PAX5: variants seen among roughly 807,000 people sequenced by gnomAD.
PAX5 encodes the protein paired box 5.
Under a neutral mutation model 43.7 loss-of-function variants are expected in PAX5, and 9 were observed. That is an observed-to-expected ratio of 0.21 (90% CI 0.12 to 0.36). The LOEUF is 0.36. PAX5 is among the 10% of genes least tolerant of loss of function. The pLI, the probability that PAX5 is intolerant of heterozygous loss-of-function variation, is 1.00. For synonymous variants in PAX5, 228 were observed against 214.3 expected (o/e 1.06, Z -0.56); for missense variants, 383 against 532.7 (o/e 0.72, Z 2.77).
chr9:37,013,564 T>A (rs1404687294), intron 3 of PAX5, among the ~76,000 whole-genome samples: 5 of 152,114 alleles, frequency 3.3e-5, no homozygotes, highest in Non-Finnish European at 5.9e-5. Context: ...AAGGGGCTCA[T>A]AAAACACAAT....
intron 6 of PAX5, among the ~76,000 whole-genome samples, chr9:36,966,095 T>C (rs1834404323): frequency 6.6e-6 from 1 of 152,230 alleles, no homozygotes; most frequent in Admixed American, 6.5e-5. Context: ...GGCGACCTGG[T>C]GAGAGGGCAG....
intron 1 of PAX5, 23 bp downstream of exon 1, chr9:37,033,963 T>C: frequency 6.2e-7 from 1 of 1,610,414 alleles, no homozygotes; most frequent in Non-Finnish European, 8.5e-7. Context: ...TTTGCACATC[T>C]GGAGCCCGTA....
intron 8 of PAX5, among the ~76,000 whole-genome samples, chr9:36,849,205 C>A (rs1372454932): frequency 1.3e-5 from 2 of 152,242 alleles, no homozygotes; most frequent in Admixed American, 6.5e-5. Flanking sequence ...GGTGCCCAGT[C>A]CACAGCAGAC....
intron 1 of PAX5, among the ~76,000 whole-genome samples, chr9:37,027,209 G>T (rs1044753830): frequency 6.6e-6 from 1 of 152,230 alleles, no homozygotes; most frequent in East Asian, 1.9e-4. Context: ...GGCAGCGCGG[G>T]GTCCTGGCGG....
rs576152302 is a variant in PAX5, at chr9:36,943,907, T to C, written c.781-20423A>G. Among the ~76,000 whole-genome samples the C allele has an allele frequency of 7.9e-5, 12 of 152,232 alleles. No individual in the cohort carries two copies. The South Asian group carries it at 2.5e-3, about 32-fold the overall frequency. ...AATGGACCCAATAAGTGACTAGAGC[T>C]GGGCTCAGTGGCTCACACCTGTAAT... On this transcript the variant is annotated intron_variant, in intron 6 of 9. Transcript: ENST00000358127.
Position 36,835,735 on chromosome 9 carries a change from T to C in PAX5, c.*4825A>G, listed in dbSNP as rs1322686061. On this transcript the variant is annotated 3_prime_UTR_variant, in exon 10 of 10. Transcript: ENST00000358127. ...TTCCCCAGGAGAGCTGGTGTGTGGC[T>C]GGGAACCATCAGAGCAGCCTCTCGA... 6.0e-5 allele frequency: 14 copies of C among 233,244 alleles called. No individual in the cohort carries two copies. Among genetic ancestry groups the C allele is most frequent in the Middle Eastern group, 1.3e-3 (1 of 786 alleles). The allele number at this position is 233,244 out of a possible 1,614,324, so 14.4% of individuals were successfully genotyped here. A position where few individuals can be genotyped will look rare whatever the true frequency, so the allele number is the denominator to read the frequency against.
chr9:36,880,257 C>T (rs1375750644), intron 8 of PAX5, among the ~76,000 whole-genome samples: 1 of 152,240 alleles, frequency 6.6e-6, no homozygotes, highest in African/African-American at 2.4e-5. Flanking sequence ...GGGCCTTGCA[C>T]ACGCATGTGT....
chr9:36,894,078 C>T (rs1408108462), intron 7 of PAX5, among the ~76,000 whole-genome samples: 1 of 152,212 alleles, frequency 6.6e-6, no homozygotes, highest in East Asian at 1.9e-4. Context: ...GCCACGCCCC[C>T]ACTCCTGGTT....
At chr9:36,946,319 G>A (rs543829302) in intron 6 of PAX5, among the ~76,000 whole-genome samples, 1 of 152,320 alleles carries the variant, frequency 6.6e-6, no homozygotes, top group East Asian at 1.9e-4. Flanking sequence ...TTCTCCCGGT[G>A]CACAGATGGA....
intron 6 of PAX5, 109 bp from the exon 7 acceptor site, chr9:36,923,593 T>C: frequency 7.7e-7 from 1 of 1,304,110 alleles, no homozygotes; most frequent in South Asian, 1.4e-5. Flanking sequence ...TCCATGCCTG[T>C]GCCAAGGCCC....
chr9:37,006,610 G>T (rs149478701), intron 3 of PAX5, 73 bp from the exon 4 acceptor site: 1 of 1,230,680 alleles, frequency 8.1e-7, no homozygotes, highest in Non-Finnish European at 1.2e-6. Context: ...GCTATGCACA[G>T]ACAACCAGAA....
intron 8 of PAX5, among the ~76,000 whole-genome samples, chr9:36,847,435 T>A (rs560951714): frequency 3.2e-4 from 49 of 152,324 alleles, no homozygotes; most frequent in African/African-American, 1.2e-3. Flanking sequence ...AACCCTAGCC[T>A]GGCCCTCTGT....
chr9:36,968,173 G>A (rs1388829667), intron 5 of PAX5, among the ~76,000 whole-genome samples: 3 of 152,200 alleles, frequency 2.0e-5, no homozygotes, highest in African/African-American at 2.4e-5. Context: ...GAAAACCAGC[G>A]TGGGTCTGCT....
intron 8 of PAX5, among the ~76,000 whole-genome samples, chr9:36,849,857 G>A (rs999774548): frequency 2.0e-5 from 3 of 152,212 alleles, no homozygotes; most frequent in African/African-American, 7.2e-5. Context: ...TCGTGAGGCT[G>A]ACCTAGAGGC....
At chr9:36,986,420 C>CT (rs1416787551) in intron 5 of PAX5, among the ~76,000 whole-genome samples, 2 of 151,656 alleles carry the variant, frequency 1.3e-5, no homozygotes, top group African/African-American at 4.8e-5. Context: ...CGTCAATTGA[C>CT]TTAGACTGAT....
At position 37,002,667 on chromosome 9, in the gene PAX5, G is replaced by C; in HGVS notation, c.585C>G (p.Asn195Lys). 1 of 1,612,078 alleles carries C rather than the reference G, an allele frequency of 6.2e-7. No homozygotes were observed. ...TCTTACCTTCGTCTCTCTTGCGCTT[G>C]TTGGTGTCGGCGCTGGGGGACGTGA... ...LGITSPSADT[N>K]KRKRDEGIQE... Residue 195 changes from asparagine (N) to lysine (K), a missense_variant, in exon 5 of 10, where the codon AAC becomes AAG. Transcript: ENST00000358127.
At chr9:36,923,215 C>T in intron 7 of PAX5, 140 bp downstream of exon 7, 1 of 998,162 alleles carries the variant, frequency 1.0e-6, no homozygotes, top group South Asian at 1.7e-5. Flanking sequence ...CAGCACCTGA[C>T]CTGTTCCCAG....
intron 7 of PAX5, among the ~76,000 whole-genome samples, chr9:36,888,846 C>T (rs1442395211): frequency 6.6e-6 from 1 of 152,190 alleles, no homozygotes; most frequent in Non-Finnish European, 1.5e-5. Flanking sequence ...CACAGGCTCC[C>T]CCGTTGCCTC....
At chr9:36,953,973 G>C (rs991658017) in intron 6 of PAX5, among the ~76,000 whole-genome samples, 1 of 152,148 alleles carries the variant, frequency 6.6e-6, no homozygotes, top group Non-Finnish European at 1.5e-5. Flanking sequence ...TTGGGGGGCT[G>C]AGAGGGGAGA....
Sources: gnomAD v4.1 joint callset for allele counts (sites outside exome capture counted in the v4.1 genomes callset) on GRCh38, gnomAD v4.1.1 for gene constraint, MANE v1.5 for transcripts, NCBI Gene and HGNC (gene_info 2026-07-23, HGNC 2026-07-21) for gene names.